The following CDC26 variants were observed in gnomAD, a reference collection of about 807,000 sequenced individuals.
The protein encoded by CDC26 is cell division cycle 26, also known as anaphase-promoting complex subunit CDC26.
A neutral mutation model predicts 8.0 loss-of-function variants in CDC26; 2 were observed. The observed-to-expected ratio is 0.25, with a 90% CI of 0.10 to 0.79. The LOEUF (loss-of-function observed/expected upper bound fraction) is 0.79. Among genes scored for constraint, CDC26 ranks in the 30% least tolerant of loss-of-function variants. The pLI is 0.70. For missense variants in CDC26, 68 were observed against 106.0 expected (o/e 0.64, Z 1.57); for synonymous variants, 19 against 34.9 (o/e 0.55, Z 1.60).
intron 3 of CDC26, among the ~76,000 whole-genome samples, chr9:113,270,630 A>C (rs1485828982): frequency 6.6e-6 from 1 of 152,220 alleles, no homozygotes. Context: ...TGACATTTGA[A>C]TGAAGACTGG....
intron 3 of CDC26, among the ~76,000 whole-genome samples, chr9:113,267,698 C>T (rs1353993616): frequency 6.6e-6 from 1 of 151,864 alleles, no homozygotes; most frequent in Non-Finnish European, 1.5e-5. Flanking sequence ...ACTAAAAATA[C>T]AAAAATTTGG....
At chr9:113,272,268 AAT>A (rs1229398365) in intron 3 of CDC26, among the ~76,000 whole-genome samples, 157 bp downstream of exon 3, 1 of 152,084 alleles carries the variant, frequency 6.6e-6, no homozygotes, top group African/African-American at 2.4e-5. Flanking sequence ...AAAATAAAAA[AAT>A]GAGCTGGGCG....
rs1346171499 is a variant in CDC26 at position 113,275,430 on chromosome 9, A to C, written c.-200T>G. 3.0e-6 allele frequency: 1 copy of C among 328,232 alleles called. No homozygotes were observed. The highest frequency in any genetic ancestry group is 5.6e-6 in the Non-Finnish European group (1 of 178,774). 20.3% of individuals were successfully genotyped at this position (328,232 alleles called of 1,614,324 possible). ...CTTCCCGGAACCTCGGCTCCCCCCC[A>C]ACGAAACTACTGCTAAGCCAACTGG... is the stretch of plus-strand genomic sequence containing the variant. On this transcript the variant is annotated 5_prime_UTR_variant, in exon 1 of 4. Coordinates refer to ENST00000374206, the MANE Select transcript of CDC26 (RefSeq NM_139286.4).
In CDC26 at chr9:113,275,380, A is replaced by C. The variant is rs1832049573; in HGVS notation, c.-152+2T>G. ...CCGAGCCGCGCGAGTCGACTCACCT[A>C]CCTCTTTTCAAGCCGGCCTAGCCCC... On this transcript the variant is annotated splice_donor_variant, in intron 1 of 3. Transcript: ENST00000374206. LOFTEE classifies it low-confidence loss of function (5UTR_SPLICE). The C allele has an allele frequency of 9.0e-6, 2 of 222,540 alleles. No individual in the cohort carries two copies. Among genetic ancestry groups the C allele is most frequent in the African/African-American group, 2.3e-5 (1 of 43,712 alleles). 13.8% of individuals were successfully genotyped at this position (222,540 alleles called of 1,614,324 possible). A position where few individuals can be genotyped will look rare whatever the true frequency, so the allele number is the denominator to read the frequency against.
intron 3 of CDC26, among the ~76,000 whole-genome samples, chr9:113,270,434 G>C (rs1341099118): frequency 6.6e-6 from 1 of 152,120 alleles, no homozygotes; most frequent in Non-Finnish European, 1.5e-5. Context: ...GAAGCAAACA[G>C]ACATGATTTC....
At chr9:113,269,005 G>A (rs569064350) in intron 3 of CDC26, among the ~76,000 whole-genome samples, 12 of 152,150 alleles carry the variant, frequency 7.9e-5, no homozygotes, top group East Asian at 3.9e-4. Context: ...CGCCTGCCTC[G>A]GCCTCTCAAG....
In CDC26 at chr9:113,267,374, C is replaced by T. The variant is rs768311624; in HGVS notation, c.147G>A (p.Gly49=). 4 of 1,600,764 alleles carry T rather than the reference C, an allele frequency of 2.5e-6. No homozygotes were observed. Among genetic ancestry groups the T allele is most frequent in the Admixed American group, 3.5e-5 (2 of 57,210 alleles). The change falls in exon 4 of 4, where the codon GGG becomes GGA. Residue 49 remains glycine, a synonymous_variant. Coordinates refer to ENST00000374206, the MANE Select transcript of CDC26 (RefSeq NM_139286.4). Reference sequence around the variant, plus strand: ...CCCGGCTCTTGGGATCACTGCTAAGCCCAATGGCTCCTTCTCCATCACTGC... The same window carrying T: ...CCCGGCTCTTGGGATCACTGCTAAGTCCAATGGCTCCTTCTCCATCACTGC... ...VGGSDGEGAI[G]LSSDPKSREQ...
chr9:113,271,818 T>A (rs1266729310), intron 3 of CDC26, among the ~76,000 whole-genome samples: 1 of 152,172 alleles, frequency 6.6e-6, no homozygotes, highest in African/African-American at 2.4e-5. Flanking sequence ...AAGTTAAAGT[T>A]ATTGTGTATG....
chr9:113,268,897 G>A (rs979580600), intron 3 of CDC26, among the ~76,000 whole-genome samples: 3 of 152,204 alleles, frequency 2.0e-5, no homozygotes, highest in Non-Finnish European at 4.4e-5. Flanking sequence ...TGGGACTACA[G>A]GCGCATGCCA....
chr9:113,274,191 AT>A (rs750889753), intron 1 of CDC26, among the ~76,000 whole-genome samples: 5 of 152,236 alleles, frequency 3.3e-5, no homozygotes, highest in Non-Finnish European at 4.4e-5. Flanking sequence ...AGTTTGGTTA[AT>A]AATTTTAGCC....
At chr9:113,268,857 C>T (rs1431212893) in intron 3 of CDC26, among the ~76,000 whole-genome samples, 1 of 152,154 alleles carries the variant, frequency 6.6e-6, no homozygotes, top group Admixed American at 6.6e-5. Flanking sequence ...TGGGTTCAAG[C>T]GATTCTCCTG....
At chr9:113,271,231 CAA>C (rs1831951194) in intron 3 of CDC26, among the ~76,000 whole-genome samples, 1 of 152,128 alleles carries the variant, frequency 6.6e-6, no homozygotes, top group African/African-American at 2.4e-5. Flanking sequence ...AGGGAGAAAT[CAA>C]GAGTTTTTCT....
chr9:113,272,919 T>A (rs184946141), intron 2 of CDC26, among the ~76,000 whole-genome samples: 7 of 152,316 alleles, frequency 4.6e-5, no homozygotes, highest in Admixed American at 4.6e-4. Flanking sequence ...CTCAAACTCT[T>A]GGGCTCAAGT....
At chr9:113,272,202 G>A (rs1277005141) in intron 3 of CDC26, among the ~76,000 whole-genome samples, 1 of 152,140 alleles carries the variant, frequency 6.6e-6, no homozygotes, top group Non-Finnish European at 1.5e-5. Flanking sequence ...TGGATCACTT[G>A]AGGTCAGGAG....
intron 3 of CDC26, among the ~76,000 whole-genome samples, chr9:113,267,988 A>G (rs1452071497): frequency 2.0e-5 from 3 of 152,086 alleles, no homozygotes; most frequent in African/African-American, 7.2e-5. Context: ...TCTGTCTTAA[A>G]AAAAACAAAA....
intron 2 of CDC26, 143 bp from the exon 3 acceptor site, chr9:113,272,691 CTT>C (rs367685408): frequency 0.04 from 13,679 of 346,112 alleles, no homozygotes; most frequent in South Asian, 0.051. Flanking sequence ...CTTCTAAAGT[CTT>C]TTTTTTTTTT....
At position 113,267,304 on chromosome 9, in the gene CDC26, G is replaced by C. The variant is rs1439746596; in HGVS notation, c.217C>G (p.Pro73Ala). Residue 73 changes from proline to alanine, a missense_variant, in exon 4 of 4, where the codon CCC becomes GCC. By Grantham distance (27) the Pro-to-Ala change is conservative. Coordinates refer to ENST00000374206, the MANE Select transcript of CDC26 (RefSeq NM_139286.4). Reference sequence around the variant, plus strand: ...CCAAATTGAGATGAACGATTATTGGGCTTGGGTTGGGGTTTATAACCAATC... The same window carrying C: ...CCAAATTGAGATGAACGATTATTGGCCTTGGGTTGGGGTTTATAACCAATC... ...DRIGYKPQPK[P>A]NNRSSQFGSL... 1 of 1,563,244 alleles carries C rather than the reference G, an allele frequency of 6.4e-7. No homozygotes were observed. The highest frequency in any genetic ancestry group is 8.7e-7 in the Non-Finnish European group (1 of 1,154,178).
chr9:113,271,389 A>T (rs1831953924), intron 3 of CDC26, among the ~76,000 whole-genome samples: 1 of 151,952 alleles, frequency 6.6e-6, no homozygotes, highest in South Asian at 2.1e-4. Flanking sequence ...AGAAGGGGGG[A>T]TTATCCTGGG....
intron 1 of CDC26, among the ~76,000 whole-genome samples, 193 bp downstream of exon 1, chr9:113,275,189 T>C (rs1832041763): frequency 6.6e-6 from 1 of 152,114 alleles, no homozygotes. Context: ...TTCCGGACCA[T>C]GGAGGAGAAC....
Sources: gnomAD v4.1 joint callset for allele counts (sites outside exome capture counted in the v4.1 genomes callset) on GRCh38, gnomAD v4.1.1 for gene constraint, MANE v1.5 for transcripts, NCBI Gene and HGNC (gene_info 2026-07-23, HGNC 2026-07-21) for gene names.